The following SLC39A10 variants were observed in gnomAD, a reference collection of about 807,000 sequenced individuals.
SLC39A10 encodes the protein solute carrier family 39 member 10.
Under a neutral mutation model 65.1 loss-of-function variants are expected in SLC39A10, and 13 were observed. The observed-to-expected ratio is 0.20, with a 90% confidence interval of 0.13 to 0.32. The LOEUF (loss-of-function observed/expected upper bound fraction) is 0.32, where lower values mean the gene tolerates loss of function less well. SLC39A10 is among the 10% of genes least tolerant of loss of function. The probability of loss-of-function intolerance (pLI) is 1.00; values close to 1 mark genes in which losing one functional copy is unlikely to be tolerated. For missense variants in SLC39A10, 831 were observed against 1,018.4 expected (o/e 0.82, Z 2.50); for synonymous variants, 321 against 342.2 (o/e 0.94, Z 0.68).
chr2:195,647,480 A>G (rs1489475950), intron 2 of SLC39A10, among the ~76,000 whole-genome samples: 3 of 151,070 alleles, frequency 2.0e-5, no homozygotes, highest in Non-Finnish European at 4.4e-5. Flanking sequence ...ACTGAAAACC[A>G]GGCATTCACT....
intron 4 of SLC39A10, 66 bp from the exon 5 acceptor site, chr2:195,708,590 T>C: frequency 8.0e-7 from 1 of 1,248,468 alleles, no homozygotes; most frequent in Non-Finnish European, 1.1e-6. Flanking sequence ...ATAATTATTA[T>C]AATTTCAAAA....
chr2:195,646,887 C>A (rs1241995070), intron 2 of SLC39A10, among the ~76,000 whole-genome samples: 1 of 152,140 alleles, frequency 6.6e-6, no homozygotes, highest in East Asian at 1.9e-4. Context: ...CCGAAGCCAT[C>A]CCCCTGCCAT....
chr2:195,687,964 A>G (rs1234497943), intron 3 of SLC39A10, among the ~76,000 whole-genome samples: 1 of 152,228 alleles, frequency 6.6e-6, no homozygotes, highest in Admixed American at 6.5e-5. Context: ...CAAGTTAATT[A>G]GAAAGTTTCC....
rs551271199 is a variant in SLC39A10, at chr2:195,662,275, T to C, written c.-12+4994T>C. 7.4e-5 allele frequency among the ~76,000 whole-genome samples: 9 copies of C among 121,520 alleles called. No individual in the cohort carries two copies. In the East Asian group the frequency reaches 1.2e-3, roughly 16 times the overall value. The allele number at this position is 121,520 out of a possible 152,430, so 79.7% of individuals were successfully genotyped here. On this transcript the variant is annotated intron_variant, in intron 1 of 9. Coordinates refer to ENST00000359634, the MANE Select transcript of SLC39A10 (RefSeq NM_020342.3). The stretch of plus-strand genomic sequence containing the variant: ...ATATGTATCCTACTGTGGTGTTCCC[T>C]TTTTTTTTTTTTTGTGAGACAGTAT...
intron 2 of SLC39A10, among the ~76,000 whole-genome samples, chr2:195,644,032 G>A (rs1688860410): frequency 6.6e-6 from 1 of 152,188 alleles, no homozygotes; most frequent in Non-Finnish European, 1.5e-5. Context: ...CTTTCAACAT[G>A]AATGTGGAGT....
chr2:195,651,812 T>C (rs980541232), upstream of SLC39A10, among the ~76,000 whole-genome samples: 2 of 152,176 alleles, frequency 1.3e-5, no homozygotes, highest in Non-Finnish European at 1.5e-5. Context: ...TGGTACTTAA[T>C]ATCCCCACAC....
At chr2:195,617,867 G>C (rs1384933468) in intron 2 of SLC39A10, among the ~76,000 whole-genome samples, 1 of 151,154 alleles carries the variant, frequency 6.6e-6, no homozygotes, top group Non-Finnish European at 1.5e-5. Flanking sequence ...AGCCTCCCGA[G>C]TAGCTGGGAC....
intron 3 of SLC39A10, among the ~76,000 whole-genome samples, chr2:195,684,660 A>C (rs1690456632): frequency 6.6e-6 from 1 of 151,780 alleles, no homozygotes; most frequent in South Asian, 2.1e-4. Flanking sequence ...ATCAGGTATG[A>C]AGTCCAGTTA....
chr2:195,677,143 A>C (rs1238751864), intron 1 of SLC39A10, among the ~76,000 whole-genome samples: 3 of 152,256 alleles, frequency 2.0e-5, no homozygotes, highest in Admixed American at 2.0e-4. Flanking sequence ...GCCATGAATT[A>C]TCACAAAGTA....
intron 1 of SLC39A10, among the ~76,000 whole-genome samples, chr2:195,668,607 C>T (rs1390865102): frequency 1.3e-5 from 2 of 152,100 alleles, no homozygotes; most frequent in Non-Finnish European, 2.9e-5. Context: ...GAAAGAATTG[C>T]GATACAGATA....
intron 8 of SLC39A10, among the ~76,000 whole-genome samples, chr2:195,721,557 AT>A (rs1692040880): frequency 6.6e-6 from 1 of 151,908 alleles, no homozygotes; most frequent in East Asian, 1.9e-4. Context: ...TAGATGCCGT[AT>A]TTCTTAAACT....
At chr2:195,682,906 A>AT (rs1690383409) in intron 2 of SLC39A10, among the ~76,000 whole-genome samples, 1 of 151,604 alleles carries the variant, frequency 6.6e-6, no homozygotes, top group African/African-American at 2.4e-5. Context: ...ATAGGTTTTG[A>AT]TTTTAGTTTT....
In SLC39A10 at chr2:195,681,044, T is replaced by A. The variant is rs1318805862; in HGVS notation, c.1002T>A (p.His334Gln). 5.6e-6 allele frequency: 9 copies of A among 1,604,242 alleles called. No homozygotes were observed. Among genetic ancestry groups the A allele is most frequent in the Non-Finnish European group, 7.7e-6 (9 of 1,174,404 alleles). The change falls in exon 2 of 10, where the codon CAT becomes CAA. Residue 334 changes from histidine (H) to glutamine (Q), a missense_variant. Around this residue, in one of 4 missense-constraint regions of SLC39A10, gnomAD observed 446 missense variants for 499.2 expected, o/e 0.89. Coordinates refer to ENST00000359634, the MANE Select transcript of SLC39A10 (RefSeq NM_020342.3). ...LRKDLNEDDH[H>Q]HECLNVTQLL... ...AAGATCTAAATGAAGATGACCATCA[T>A]CATGAAGTAAGTATAAAAAGATGTC...
At chr2:195,668,145 G>T (rs1424887632) in intron 1 of SLC39A10, among the ~76,000 whole-genome samples, 1 of 152,118 alleles carries the variant, frequency 6.6e-6, no homozygotes, top group African/African-American at 2.4e-5. Flanking sequence ...CTCTGTGTGT[G>T]CCATTACTGA....
chr2:195,736,981 C>CATT lies in SLC39A10; in HGVS notation c.*1941_*1943dup, dbSNP rs1455010941. ...CTGCATTCCAGCATTAAATCTGCTT[C>CATT]ATTTTAGAACCTTTATAAAAGCAAT... On this transcript the variant is annotated 3_prime_UTR_variant, in exon 10 of 10. Coordinates refer to ENST00000359634, the MANE Select transcript of SLC39A10 (RefSeq NM_020342.3). The CATT allele has an allele frequency of 6.6e-6, 1 of 152,562 alleles. No homozygotes were observed. The highest frequency in any genetic ancestry group is 1.5e-5 in the Non-Finnish European group (1 of 68,010). The allele number at this position is 152,562 out of a possible 1,614,324, so 9.5% of individuals were successfully genotyped here.
At chr2:195,662,858 A>G (rs1689461463) in intron 1 of SLC39A10, among the ~76,000 whole-genome samples, 1 of 152,236 alleles carries the variant, frequency 6.6e-6, no homozygotes, top group African/African-American at 2.4e-5. Context: ...CTTGCGGTAA[A>G]ATACTTTAGT....
At chr2:195,637,438 C>A (rs1023334418) in intron 2 of SLC39A10, among the ~76,000 whole-genome samples, 9 of 152,288 alleles carry the variant, frequency 5.9e-5, no homozygotes, top group African/African-American at 1.4e-4. Context: ...CTCAGCTTTA[C>A]TGGGGCTCAC....
At chr2:195,667,887 AAAT>A (rs1222468719) in intron 1 of SLC39A10, among the ~76,000 whole-genome samples, 1 of 152,252 alleles carries the variant, frequency 6.6e-6, no homozygotes, top group African/African-American at 2.4e-5. Flanking sequence ...TAAATATTGC[AAAT>A]AATGTAGGAA....
intron 3 of SLC39A10, among the ~76,000 whole-genome samples, chr2:195,698,983 T>G (rs1691080923): frequency 6.6e-6 from 1 of 152,076 alleles, no homozygotes; most frequent in African/African-American, 2.4e-5. Flanking sequence ...TTACCAGTTA[T>G]AGTCTATTCC....
Sources: allele counts gnomAD v4.1 joint callset (sites outside exome capture counted in the v4.1 genomes callset), GRCh38; gene constraint gnomAD v4.1.1; regional missense constraint gnomAD v4.1.1; transcripts MANE v1.5; gene names NCBI Gene and HGNC (gene_info 2026-07-23, HGNC 2026-07-21).